EIF4G2: variants seen among roughly 807,000 people sequenced by gnomAD.
The protein encoded by EIF4G2 is eukaryotic translation initiation factor 4 gamma 2.
A neutral mutation model predicts 117.7 loss-of-function variants in EIF4G2; 8 were observed. That is an observed-to-expected ratio of 0.07 (90% CI 0.04 to 0.12). The LOEUF (loss-of-function observed/expected upper bound fraction) is 0.12. EIF4G2 is among the 10% of genes least tolerant of loss of function. EIF4G2 has a pLI of 1.00. For missense variants in EIF4G2, 812 were observed against 1,086.2 expected, an observed-to-expected ratio of 0.75 and a Z score of 3.55; for synonymous variants, 413 against 367.8, an observed-to-expected ratio of 1.12 and a Z score of -1.41.
At chr11:10,801,539 G>A in intron 14 of EIF4G2, 122 bp downstream of exon 14, 1 of 926,270 alleles carries the variant, frequency 1.1e-6, no homozygotes, top group Non-Finnish European at 1.8e-6. Context: ...GTATAGAAAA[G>A]AGAGAAAAAC....
In EIF4G2 at chr11:10,808,616, C is replaced by A. The variant is rs147565977; in HGVS notation, c.-87+89G>T. 3.6e-5 allele frequency: 23 copies of A among 631,990 alleles called. No homozygotes were observed. The East Asian group carries it at 3.0e-3, about 82-fold the overall frequency. The allele number at this position is 631,990 out of a possible 1,614,324, so 39.1% of individuals were successfully genotyped here. ...TCGCCCCACCCGGCTCCGCCTGCGG[C>A]CGCCATTTTGTACCACTCGAGAAGA... is the stretch of plus-strand genomic sequence containing the variant. On this transcript the variant is annotated intron_variant, in intron 1 of 21. Transcript: ENST00000339995.
At chr11:10,802,551 T>A in intron 11 of EIF4G2, 116 bp from the exon 12 acceptor site, 1 of 1,349,258 alleles carries the variant, frequency 7.4e-7, no homozygotes, top group Non-Finnish European at 9.9e-7. Context: ...TTATGTTATT[T>A]CTGTAAATAA....
intron 1 of EIF4G2, chr11:10,808,198 G>A (rs1847647918): frequency 9.8e-6 from 11 of 1,123,804 alleles, no homozygotes; most frequent in South Asian, 1.8e-5. Context: ...CTCCTCTGCT[G>A]ACAAAAGGGG....
At chr11:10,806,596 C>A (rs1847577485) in intron 3 of EIF4G2, 4 of 512,340 alleles carry the variant, frequency 7.8e-6, no homozygotes, top group South Asian at 3.0e-5. Context: ...TAAAAATAAC[C>A]CAAAGAATAA....
rs113893953 is a variant in EIF4G2, at chr11:10,798,175, T to A, written c.2659-294A>T. ...AAGCCTGGGCCCCCTGGAAAACTAG[T>A]AGCATGAGAAAGAATCACCTGGATT... On this transcript the variant is annotated intron_variant, in intron 21 of 21. Transcript: ENST00000339995. 1.1e-4 allele frequency among the ~76,000 whole-genome samples: 16 copies of A among 152,248 alleles called. No homozygotes were observed. The East Asian group carries it at 2.7e-3, about 26-fold the overall frequency.
In EIF4G2 at chr11:10,797,714, T is replaced by G. The variant is rs1273351320; in HGVS notation, c.*102A>C. ...TGACGTGCTTCTGCTTTAAATATTG[T>G]GAAAACATTACAGCGGAATGAATTT... On this transcript the variant is annotated 3_prime_UTR_variant, in exon 22 of 22. Transcript: ENST00000339995. The surrounding 1 kb of genome is among the most constrained non-coding windows in gnomAD (Gnocchi z 4.5). The G allele has an allele frequency of 8.0e-6, 10 of 1,252,972 alleles. No individual in the cohort carries two copies. The highest frequency in any genetic ancestry group is 9.2e-6 in the Non-Finnish European group (8 of 871,622). 77.6% of individuals were successfully genotyped at this position (1,252,972 alleles called of 1,614,324 possible).
intron 18 of EIF4G2, 164 bp from the exon 19 acceptor site, chr11:10,799,920 G>T (rs760880212): frequency 4.1e-5 from 47 of 1,143,802 alleles, no homozygotes; most frequent in African/African-American, 6.3e-5. Context: ...CGGATCAAAT[G>T]AAAGTAGTTA....
chr11:10,807,917 A>G, intron 1 of EIF4G2: 1 of 1,014,682 alleles, frequency 9.9e-7, no homozygotes, highest in African/African-American at 1.7e-5. Context: ...ACATGGCAGC[A>G]GGAACCTCCG....
chr11:10,804,568 G>A (rs1039744418), intron 5 of EIF4G2, 150 bp from the exon 6 acceptor site: 2 of 1,010,352 alleles, frequency 2.0e-6, no homozygotes, highest in African/African-American at 1.6e-5. Flanking sequence ...CCATCTCCTG[G>A]GAGTCAGAAA....
At chr11:10,804,871 G>A (rs760277880) in intron 5 of EIF4G2, 42 bp downstream of exon 5, 11 of 1,520,664 alleles carry the variant, frequency 7.2e-6, no homozygotes, top group Non-Finnish European at 9.1e-6. Flanking sequence ...TTGTTAAACA[G>A]TTCCCTCTCC....
chr11:10,799,988 A>C, intron 18 of EIF4G2, 102 bp downstream of exon 18: 5 of 1,311,810 alleles, frequency 3.8e-6, no homozygotes, highest in Non-Finnish European at 5.2e-6. Flanking sequence ...TTATCTGAGC[A>C]GGACAATCAG....
At chr11:10,801,974 A>T in intron 13 of EIF4G2, 75 bp downstream of exon 13, 1 of 342,788 alleles carries the variant, frequency 2.9e-6, no homozygotes, top group Non-Finnish European at 3.5e-6. Flanking sequence ...TACTAATCTT[A>T]AGGATAAACA....
chr11:10,808,220 ACTCT>A (rs538970866), intron 1 of EIF4G2: 2 of 1,133,716 alleles, frequency 1.8e-6, no homozygotes, highest in Non-Finnish European at 2.2e-6. Context: ...AGAAATCATC[ACTCT>A]CTCTTTCCTC....
chr11:10,799,124 A>G lies in EIF4G2; in HGVS notation c.2537-11T>C. 3.2e-6 allele frequency: 5 copies of G among 1,577,028 alleles called. No homozygotes were observed. Among genetic ancestry groups the G allele is most frequent in the Non-Finnish European group, 3.4e-6 (4 of 1,170,302 alleles). On this transcript the variant is annotated splice_polypyrimidine_tract_variant and intron_variant, in intron 20 of 21. Transcript: ENST00000339995. ...AGCGAAGTAACATGCCTTAAAAAAA[A>G]AAAAAAAAAGAAAAAAGTAATAAGC...
At chr11:10,807,990 G>A (rs1847637549) in intron 1 of EIF4G2, 1 of 1,041,058 alleles carries the variant, frequency 9.6e-7, no homozygotes, top group Non-Finnish European at 1.2e-6. Context: ...GCGCAAGTTA[G>A]GGAAGTGCTT....
At position 10,806,858 on chromosome 11, in the gene EIF4G2, C is replaced by G. The variant is rs1213630420; in HGVS notation, c.69G>C (p.Arg23Ser). The G allele has an allele frequency of 1.9e-6, 3 of 1,613,974 alleles. No individual in the cohort carries two copies. Among genetic ancestry groups the G allele is most frequent in the Non-Finnish European group, 8.5e-7 (1 of 1,180,018 alleles). The change falls in exon 3 of 22, where the codon AGG (arginine) becomes AGC (serine). Residue 23 changes from arginine (R) to serine (S), a missense_variant. Around this residue, in one of 4 missense-constraint regions of EIF4G2, gnomAD observed 79 missense variants for 91.5 expected, o/e 0.86. Transcript: ENST00000339995. ...TCTTGGGATAGTGCTGAGGTGCACC[C>G]CTACTTCCTCCTCCGCCCGAAGAAG... is the stretch of plus-strand genomic sequence containing the variant.
Position 10,808,689 on chromosome 11 carries a change from C to T in EIF4G2, c.-87+16G>A. The T allele has an allele frequency of 4.7e-6, 1 of 214,892 alleles. No individual in the cohort carries two copies. The highest frequency in any genetic ancestry group is 5.1e-5 in the South Asian group (1 of 19,616). The allele number at this position is 214,892 out of a possible 1,614,324, so 13.3% of individuals were successfully genotyped here. ...TTTAGAGCGCTCCACTCGGCGGCGG[C>T]AGCGGCTCAACTCACCTTCACCGAG... On this transcript the variant is annotated intron_variant, in intron 1 of 21. Coordinates refer to ENST00000339995, the MANE Select transcript of EIF4G2 (RefSeq NM_001418.4).
Position 10,800,090 on chromosome 11 carries a change from C to T in EIF4G2, c.2119G>A (p.Glu707Lys). The change falls in exon 18 of 22, where the codon GAA becomes AAA. Residue 707 changes from glutamate to lysine, a missense_variant and splice_region_variant. This residue lies in a region of EIF4G2 where 571 missense variants were observed against 642.3 expected (regional missense o/e 0.89). Transcript: ENST00000339995. ...AACAAACAAGTCAGCATTCTCTTAC[C>T]TGGGAGCATTTTCTGCATATTGACC... The T allele has an allele frequency of 6.2e-7, 1 of 1,611,942 alleles. No homozygotes were observed. The highest frequency in any genetic ancestry group is 8.5e-7 in the Non-Finnish European group (1 of 1,178,948).
In EIF4G2 at chr11:10,799,533, A is replaced by G. The variant is rs367639146; in HGVS notation, c.2324+19T>C. On this transcript the variant is annotated intron_variant, in intron 19 of 21. Transcript: ENST00000339995. ...CAGTACATGAAACATTACCATATGC[A>G]GAAAACCATTCGTCTTACCTAGTCA... 4.3e-6 allele frequency: 7 copies of G among 1,611,754 alleles called. No individual in the cohort carries two copies. In the African/African-American group the frequency reaches 9.4e-5, roughly 22 times the overall value.
Sources: allele counts gnomAD v4.1 joint callset (sites outside exome capture counted in the v4.1 genomes callset), GRCh38; gene constraint gnomAD v4.1.1; regional missense constraint gnomAD v4.1.1; non-coding constraint Gnocchi (gnomAD v3.1); transcripts MANE v1.5; gene names NCBI Gene and HGNC (gene_info 2026-07-23, HGNC 2026-07-21).